Variants in THRB observed in about 807,000 individuals in gnomAD.
THRB encodes thyroid hormone receptor beta.
Under a neutral mutation model 47.8 loss-of-function variants are expected in THRB, and 12 were observed. The ratio of observed to expected loss-of-function variants is 0.25; its 90% confidence interval spans 0.16 to 0.41. THRB has a LOEUF of 0.41. Ranked by LOEUF, THRB falls within the 10% of genes least tolerant of loss-of-function variation. THRB has a pLI of 1.00. For missense variants in THRB, 348 were observed against 589.2 expected, an observed-to-expected ratio of 0.59 and a Z score of 4.24; for synonymous variants, 218 against 212.2, an observed-to-expected ratio of 1.03 and a Z score of -0.24.
intron 4 of THRB, among the ~76,000 whole-genome samples, chr3:24,221,012 G>T (rs756843041): frequency 3.9e-5 from 6 of 152,170 alleles, no homozygotes; most frequent in Non-Finnish European, 8.8e-5. Flanking sequence ...AGACAAGAAA[G>T]CATCTGCACT....
intron 3 of THRB, among the ~76,000 whole-genome samples, chr3:24,250,616 C>T (rs1376809886): frequency 2.6e-5 from 4 of 152,022 alleles, no homozygotes; most frequent in Non-Finnish European, 4.4e-5. Context: ...TGAGAGGATC[C>T]CTTGAGCCTT....
intron 5 of THRB, among the ~76,000 whole-genome samples, chr3:24,160,628 G>T (rs1327428207): frequency 6.6e-6 from 1 of 152,106 alleles, no homozygotes; most frequent in Non-Finnish European, 1.5e-5. Flanking sequence ...CAATGCTCTG[G>T]AAACAGGAAG....
intron 3 of THRB, among the ~76,000 whole-genome samples, chr3:24,239,879 A>G (rs2049303604): frequency 6.6e-6 from 1 of 152,130 alleles, no homozygotes; most frequent in African/African-American, 2.4e-5. Context: ...TTAGTGTTTC[A>G]GTAATATTTT....
chr3:24,256,309 A>T (rs2051276443), intron 3 of THRB, among the ~76,000 whole-genome samples: 1 of 152,150 alleles, frequency 6.6e-6, no homozygotes, highest in Non-Finnish European at 1.5e-5. Flanking sequence ...GAAGCCAGAC[A>T]GATGGAGTTG....
At chr3:24,135,601 C>T (rs891413621) in intron 8 of THRB, among the ~76,000 whole-genome samples, 6 of 151,958 alleles carry the variant, frequency 3.9e-5, no homozygotes, top group South Asian at 2.1e-4. Flanking sequence ...CCTTCTACTT[C>T]CCTCTTTCTC....
chr3:24,452,580 G>A (rs910874231), intron 1 of THRB, among the ~76,000 whole-genome samples: 1 of 152,160 alleles, frequency 6.6e-6, no homozygotes, highest in East Asian at 1.9e-4. Flanking sequence ...AGAAAGATGA[G>A]GCTCCGAGAA....
intron 5 of THRB, among the ~76,000 whole-genome samples, chr3:24,173,478 CA>C (rs1349627726): frequency 3.3e-5 from 5 of 152,168 alleles, no homozygotes; most frequent in Admixed American, 6.6e-5. Flanking sequence ...CCATAATACA[CA>C]ACAAACTTTA....
chr3:24,481,229 G>GTTTTGTT, intron 1 of THRB, among the ~76,000 whole-genome samples: 1 of 55,370 alleles, frequency 1.8e-5, no homozygotes, highest in African/African-American at 7.6e-5. Context: ...GTTTCTTTCT[G>GTTTTGTT]TTTTTTTTTT....
At chr3:24,494,199 T>C (rs1698653457) in intron 1 of THRB, 2 of 152,376 alleles carry the variant, frequency 1.3e-5, no homozygotes, top group South Asian at 4.1e-4. Context: ...ACAGTCCCTT[T>C]AACCCTCCCC....
intron 1 of THRB, among the ~76,000 whole-genome samples, chr3:24,438,434 A>G (rs895749309): frequency 6.6e-6 from 1 of 152,140 alleles, no homozygotes; most frequent in East Asian, 1.9e-4. Context: ...CTGTTGCTAG[A>G]TATGAGATGA....
rs1698201552 is a variant in THRB, at chr3:24,491,939, T to C, written c.-261+2713A>G. On this transcript the variant is annotated intron_variant, in intron 1 of 10. Transcript: ENST00000646209. ...TGCCCTTAGGAGGAACTCGCAGAAA[T>C]AGCTCTTTGCATTGTCACTACACAG... 2.6e-5 allele frequency among the ~76,000 whole-genome samples: 4 copies of C among 152,204 alleles called. No individual in the cohort carries two copies. The South Asian group carries it at 8.3e-4, about 32-fold the overall frequency.
chr3:24,465,517 C>T (rs1316989324), intron 1 of THRB, among the ~76,000 whole-genome samples: 1 of 152,124 alleles, frequency 6.6e-6, no homozygotes, highest in African/African-American at 2.4e-5. Context: ...ATTCTCCCTC[C>T]TCAGTCTCCC....
intron 1 of THRB, among the ~76,000 whole-genome samples, chr3:24,424,531 G>T (rs2069571868): frequency 6.6e-6 from 1 of 151,850 alleles, no homozygotes; most frequent in Non-Finnish European, 1.5e-5. Flanking sequence ...TCTAGGGTAG[G>T]GGGTGGGGCC....
At chr3:24,153,151 C>T (rs1223742876) in intron 5 of THRB, among the ~76,000 whole-genome samples, 1 of 152,028 alleles carries the variant, frequency 6.6e-6, no homozygotes. Context: ...CCTGTTTTCA[C>T]AAGATTTGAT....
At chr3:24,381,524 GAAGT>G (rs770775036) in intron 1 of THRB, among the ~76,000 whole-genome samples, 3 of 152,164 alleles carry the variant, frequency 2.0e-5, no homozygotes, top group Non-Finnish European at 4.4e-5. Context: ...TATACCAGGA[GAAGT>G]AAGTTACATA....
chr3:24,301,426 C>T (rs1392129642), intron 2 of THRB, among the ~76,000 whole-genome samples: 1 of 152,140 alleles, frequency 6.6e-6, no homozygotes, highest in Admixed American at 6.6e-5. Context: ...CCCATTTTCC[C>T]TACTGATTCT....
At chr3:24,378,911 A>G (rs1002809120) in intron 1 of THRB, among the ~76,000 whole-genome samples, 2 of 152,132 alleles carry the variant, frequency 1.3e-5, no homozygotes, top group Admixed American at 1.3e-4. Flanking sequence ...AGCAACTCAA[A>G]TATAACTGTC....
intron 3 of THRB, among the ~76,000 whole-genome samples, chr3:24,230,492 T>A (rs541680176): frequency 6.6e-6 from 1 of 152,332 alleles, no homozygotes; most frequent in South Asian, 2.1e-4. Flanking sequence ...TTCTTGCCTC[T>A]GATTAGCTCG....
intron 5 of THRB, among the ~76,000 whole-genome samples, chr3:24,164,769 G>T (rs914463382): frequency 1.3e-5 from 2 of 152,096 alleles, no homozygotes; most frequent in South Asian, 2.1e-4. Context: ...GTCACTTTGG[G>T]CAATATATAC....
Sources: gnomAD v4.1 joint callset for allele counts (sites outside exome capture counted in the v4.1 genomes callset) on GRCh38, gnomAD v4.1.1 for gene constraint, MANE v1.5 for transcripts, NCBI Gene and HGNC (gene_info 2026-07-23, HGNC 2026-07-21) for gene names.